The following EBF1 variants were observed in gnomAD, a reference collection of about 807,000 sequenced individuals.
EBF1 encodes the protein transcription factor COE1.
EBF1 carries 10 observed loss-of-function variants against 68.4 expected under a neutral mutation model. The ratio of observed to expected loss-of-function variants is 0.15; its 90% CI spans 0.09 to 0.25. EBF1 has a LOEUF of 0.25. EBF1 is among the 10% of genes least tolerant of loss of function. The pLI is 1.00. For missense variants in EBF1, 509 were observed against 794.4 expected (o/e 0.64, Z 4.32); for synonymous variants, 298 against 299.8 (o/e 0.99, Z 0.06).
At chr5:158,927,041 T>C (rs1809850020) in intron 6 of EBF1, among the ~76,000 whole-genome samples, 1 of 152,180 alleles carries the variant, frequency 6.6e-6, no homozygotes, top group South Asian at 2.1e-4. Context: ...TCAAGGCAAA[T>C]TTAAGGTGGC....
chr5:158,745,916 G>C (rs1379869003), intron 10 of EBF1, among the ~76,000 whole-genome samples: 4 of 152,310 alleles, frequency 2.6e-5, no homozygotes, highest in African/African-American at 9.6e-5. Flanking sequence ...AAGTGCTAGA[G>C]AGGCTTTCCT....
intron 5 of EBF1, 62 bp downstream of exon 5, chr5:159,084,604 A>T: frequency 7.3e-7 from 1 of 1,377,546 alleles, no homozygotes; most frequent in Non-Finnish European, 9.7e-7. Context: ...GTTCACCAAG[A>T]TTTGAAATGC....
intron 6 of EBF1, among the ~76,000 whole-genome samples, chr5:158,969,904 GAAAGAAAGA>G (rs1554093886): frequency 2.4e-4 from 25 of 105,632 alleles, no homozygotes; most frequent in African/African-American, 3.1e-4. Context: ...AAGAAAGAAA[GAAAGAAAGA>G]AAGAAAAAAA....
intron 6 of EBF1, among the ~76,000 whole-genome samples, chr5:158,991,174 A>G (rs1290304459): frequency 6.6e-6 from 1 of 152,238 alleles, no homozygotes; most frequent in Non-Finnish European, 1.5e-5. Context: ...CCTGGCACTA[A>G]TGAGAGAATT....
intron 10 of EBF1, among the ~76,000 whole-genome samples, chr5:158,760,242 T>A (rs1771109560): frequency 6.6e-6 from 1 of 152,188 alleles, no homozygotes; most frequent in South Asian, 2.1e-4. Flanking sequence ...GTCCAAAAAT[T>A]GTCTTAAAAT....
intron 8 of EBF1, among the ~76,000 whole-genome samples, chr5:158,814,157 G>A (rs2127808733): frequency 6.6e-6 from 1 of 152,258 alleles, no homozygotes; most frequent in East Asian, 1.9e-4. Flanking sequence ...ACCAGCCTGA[G>A]CAACATAGGA....
At chr5:159,079,975 C>A (rs2127967804) in intron 5 of EBF1, among the ~76,000 whole-genome samples, 1 of 152,222 alleles carries the variant, frequency 6.6e-6, no homozygotes, top group South Asian at 2.1e-4. Context: ...CTCTAACACA[C>A]CCTGCCTTCT....
In EBF1 at chr5:158,968,008, A is replaced by G. The variant is rs373589895; in HGVS notation, c.554+105388T>C. ...GTGGGTTAAAATATGCAACTCAAACATGCTTGTCTCCAGTAGGTTTAACTC... is the reference window on the plus strand; with the variant it reads ...GTGGGTTAAAATATGCAACTCAAACGTGCTTGTCTCCAGTAGGTTTAACTC... On this transcript the variant is annotated intron_variant, in intron 6 of 15. Transcript: ENST00000313708. Among the ~76,000 whole-genome samples the G allele has an allele frequency of 1.1e-4, 16 of 152,352 alleles. No homozygotes were observed. In the East Asian group the frequency reaches 1.2e-3, roughly 11 times the overall value.
chr5:159,016,649 A>G (rs2127698800), intron 6 of EBF1, among the ~76,000 whole-genome samples: 1 of 152,306 alleles, frequency 6.6e-6, no homozygotes, highest in South Asian at 2.1e-4. Context: ...CATGCCTATG[A>G]CTGCAATGCC....
At chr5:158,961,699 C>T (rs1227050411) in intron 6 of EBF1, among the ~76,000 whole-genome samples, 1 of 152,130 alleles carries the variant, frequency 6.6e-6, no homozygotes, top group Admixed American at 6.5e-5. Flanking sequence ...ATGTAAGTTA[C>T]TCTTTTAATT....
chr5:159,078,226 C>T (rs1315786440), intron 5 of EBF1, among the ~76,000 whole-genome samples: 1 of 152,172 alleles, frequency 6.6e-6, no homozygotes, highest in Non-Finnish European at 1.5e-5. Context: ...TGAGTTCTCC[C>T]TTTTCAGGTA....
chr5:158,860,572 A>C (rs1033886005), intron 6 of EBF1, among the ~76,000 whole-genome samples: 4 of 152,184 alleles, frequency 2.6e-5, no homozygotes, highest in Non-Finnish European at 5.9e-5. Flanking sequence ...CCATCTTGGC[A>C]TGGTTCTCTT....
intron 6 of EBF1, among the ~76,000 whole-genome samples, chr5:158,947,410 G>T (rs1815001191): frequency 6.6e-6 from 1 of 152,214 alleles, no homozygotes; most frequent in Non-Finnish European, 1.5e-5. Flanking sequence ...ATCCCTCACA[G>T]CAGGGTCCCT....
chr5:158,795,730 A>G (rs1043590812), intron 9 of EBF1, among the ~76,000 whole-genome samples: 4 of 152,156 alleles, frequency 2.6e-5, no homozygotes, highest in Non-Finnish European at 5.9e-5. Flanking sequence ...GAACAATCAC[A>G]GTGCTTGGAC....
chr5:159,048,002 C>T (rs1402398387), intron 6 of EBF1, among the ~76,000 whole-genome samples: 1 of 152,172 alleles, frequency 6.6e-6, no homozygotes, highest in African/African-American at 2.4e-5. Context: ...TCACCTGGAC[C>T]TTTCAGGAGA....
At chr5:158,741,414 A>C (rs1447362285) in intron 10 of EBF1, among the ~76,000 whole-genome samples, 1 of 152,074 alleles carries the variant, frequency 6.6e-6, no homozygotes, top group Non-Finnish European at 1.5e-5. Flanking sequence ...GTCTCTACAA[A>C]AGATTAAAAA....
intron 8 of EBF1, among the ~76,000 whole-genome samples, chr5:158,805,522 C>G (rs766269789): frequency 3.9e-5 from 6 of 152,014 alleles, no homozygotes; most frequent in Admixed American, 2.0e-4. Flanking sequence ...AACATAGATG[C>G]GTGCAGATAA....
chr5:158,852,069 A>AGAGGGGAGGGGAGGGGAGGG (rs764673246), intron 6 of EBF1, among the ~76,000 whole-genome samples: 1 of 17,778 alleles, frequency 5.6e-5, no homozygotes, highest in Non-Finnish European at 1.0e-4. Flanking sequence ...AGAGGGGAGG[A>AGAGGGGAGGGGAGGGGAGGG]GAGGGGAGGG....
At chr5:158,973,463 C>A (rs1357138069) in intron 6 of EBF1, among the ~76,000 whole-genome samples, 1 of 151,480 alleles carries the variant, frequency 6.6e-6, no homozygotes, top group Non-Finnish European at 1.5e-5. Context: ...CAGCTCAAAC[C>A]AACACACACA....
Sources: allele counts gnomAD v4.1 joint callset (sites outside exome capture counted in the v4.1 genomes callset), GRCh38; gene constraint gnomAD v4.1.1; transcripts MANE v1.5; gene names NCBI Gene and HGNC (gene_info 2026-07-23, HGNC 2026-07-21).